The following DSG3 variants were observed in gnomAD, a reference collection of about 807,000 sequenced individuals.
The protein encoded by DSG3 is desmoglein 3.
Under a neutral mutation model 85.9 loss-of-function variants are expected in DSG3, and 63 were observed. The observed-to-expected ratio is 0.73, with a 90% confidence interval of 0.60 to 0.90. The LOEUF (loss-of-function observed/expected upper bound fraction) is 0.90, where lower values mean the gene tolerates loss of function less well. Among genes scored for constraint, DSG3 ranks in the 40% least tolerant of loss-of-function variants. DSG3 has a pLI of 0.00. For missense variants in DSG3, 1,220 were observed against 1,219.9 expected, an observed-to-expected ratio of 1.00 and a Z score of 0.00; for synonymous variants, 447 against 441.9, an observed-to-expected ratio of 1.01 and a Z score of -0.14.
chr18:31,450,333 C>G (rs1220937535), intron 1 of DSG3, among the ~76,000 whole-genome samples: 1 of 152,136 alleles, frequency 6.6e-6, no homozygotes, highest in African/African-American at 2.4e-5. Flanking sequence ...ATGGACACAC[C>G]AGTATGACTA....
Position 31,447,775 on chromosome 18 carries a change from G to A in DSG3, c.-103G>A, listed in dbSNP as rs1220906307. ...CATCTGTAGACTCCTTCGGAAAGCA[G>A]CAGAGACGCTGCAGAGGGCTTTTCT... On this transcript the variant is annotated 5_prime_UTR_variant, in exon 1 of 16. Transcript: ENST00000257189. The A allele has an allele frequency of 5.4e-6, 5 of 932,438 alleles. No homozygotes were observed. The highest frequency in any genetic ancestry group is 8.0e-6 in the Non-Finnish European group (5 of 627,634). 57.8% of individuals were successfully genotyped at this position (932,438 alleles called of 1,614,324 possible). A position where few individuals can be genotyped will look rare whatever the true frequency, so the allele number is the denominator to read the frequency against.
At position 31,469,161 on chromosome 18, in the gene DSG3, ACAGT is replaced by A; in HGVS notation, c.1713_1716del (p.Ser571ArgfsTer11). The A allele has an allele frequency of 6.2e-7, 1 of 1,614,168 alleles. No homozygotes were observed. Among genetic ancestry groups the A allele is most frequent in the East Asian group, 2.2e-5 (1 of 44,866 alleles). ...TACCACATCTCCCTGGTACTTACAG[ACAGT>A]CAGAACAATCGGTGTGAGATGCCAC... On this transcript the variant is annotated frameshift_variant, in exon 12 of 16. Coordinates refer to ENST00000257189, the MANE Select transcript of DSG3 (RefSeq NM_001944.3). LOFTEE classifies it high-confidence loss of function.
intron 12 of DSG3, 120 bp downstream of exon 12, chr18:31,469,469 G>GCTA (rs1351933072): frequency 7.1e-7 from 1 of 1,403,256 alleles, no homozygotes; most frequent in Non-Finnish European, 9.5e-7. Flanking sequence ...TATAGGTAAA[G>GCTA]CTAGGGGAAA....
At position 31,461,228 on chromosome 18, in the gene DSG3, A is replaced by G; in HGVS notation, c.815A>G (p.Tyr272Cys). The G allele has an allele frequency of 1.2e-6, 2 of 1,611,650 alleles. No homozygotes were observed. The highest frequency in any genetic ancestry group is 1.7e-6 in the Non-Finnish European group (2 of 1,178,838). The change falls in exon 8 of 16, where the codon TAT becomes TGT. Residue 272 changes from tyrosine (Y) to cysteine (C), a missense_variant and splice_region_variant. Coordinates refer to ENST00000257189, the MANE Select transcript of DSG3 (RefSeq NM_001944.3). ...TAATTCTGCTTCTCGCCTTTTCAGT[A>G]TTCAGCACGTATTGAAGAAAATATT... ...DNFPMFRDSQ[Y>C]SARIEENILS... is the part of the protein sequence containing the mutation.
chr18:31,460,032 G>C, intron 6 of DSG3, 21 bp downstream of exon 6: 2 of 1,592,876 alleles, frequency 1.3e-6, no homozygotes, highest in Non-Finnish European at 1.7e-6. Context: ...GCACTTGGGG[G>C]AACATTCAAG....
In DSG3 at chr18:31,475,622, T is replaced by C. The variant is rs1437003054; in HGVS notation, c.2386-24T>C. On this transcript the variant is annotated intron_variant, in intron 15 of 15. Coordinates refer to ENST00000257189, the MANE Select transcript of DSG3 (RefSeq NM_001944.3). ...ACTGACTCTTTCTTAAAATTCATTT[T>C]TTCCCACTTTTTCTCTGTCTTAGAA... 6 of 1,597,900 alleles carry C rather than the reference T, an allele frequency of 3.8e-6. No homozygotes were observed. In the Admixed American group the frequency reaches 7.0e-5, roughly 19 times the overall value.
chr18:31,465,246 T>C, intron 9 of DSG3, 72 bp from the exon 10 acceptor site: 3 of 1,087,136 alleles, frequency 2.8e-6, no homozygotes, highest in Non-Finnish European at 3.6e-6. Flanking sequence ...AAATATAAAA[T>C]GAGTCATTTT....
At chr18:31,456,579 A>G in intron 2 of DSG3, 104 bp downstream of exon 2, 1 of 555,320 alleles carries the variant, frequency 1.8e-6, no homozygotes, top group Admixed American at 4.1e-5. Flanking sequence ...AAATTATTCA[A>G]TAATTTAATT....
chr18:31,464,152 TG>T lies in DSG3; in HGVS notation c.1042del (p.Ala348LeufsTer27). ...AACTACAAAGCGTGAAACTTAGTAT[TG>T]CTGTCAAAAACAAAGCTGAATTTCA... ...EQLQSVKLSI[A>X]VKNKAEFHQS... On this transcript the variant is annotated frameshift_variant, in exon 9 of 16. Transcript: ENST00000257189. LOFTEE classifies it high-confidence loss of function. 6.2e-7 allele frequency: 1 copy of T among 1,614,124 alleles called. No individual in the cohort carries two copies.
chr18:31,457,585 C>CTTCTTTCTTTCTTTCT (rs11369657), intron 3 of DSG3, among the ~76,000 whole-genome samples: 1 of 61,182 alleles, frequency 1.6e-5, no homozygotes, highest in Non-Finnish European at 3.3e-5. Context: ...TTCTTTCTTT[C>CTTCTTTCTTTCTTTCT]TTCTTTCTTT....
intron 6 of DSG3, 70 bp from the exon 7 acceptor site, chr18:31,460,763 G>A (rs563584163): frequency 7.4e-7 from 1 of 1,354,296 alleles, no homozygotes; most frequent in African/African-American, 1.5e-5. Context: ...CTTACCCATA[G>A]GAATCAAGTA....
At chr18:31,457,566 TTTCTTTCTTTCTTTCTTTC>T (rs1488624881) in intron 3 of DSG3, among the ~76,000 whole-genome samples, 20 of 104,064 alleles carry the variant, frequency 1.9e-4, no homozygotes, top group African/African-American at 9.1e-4. Flanking sequence ...TCTTTCTTTC[TTTCTTTCTTTCTTTCTTTC>T]TTCTTTCTTT....
In DSG3 at chr18:31,476,883, C is replaced by G. The variant is rs1395874088; in HGVS notation, c.*623C>G. The G allele has an allele frequency of 6.7e-6, 1 of 148,392 alleles. No individual in the cohort carries two copies. The highest frequency in any genetic ancestry group is 2.5e-5 in the African/African-American group (1 of 40,112). 9.2% of individuals were successfully genotyped at this position (148,392 alleles called of 1,614,324 possible). A position where few individuals can be genotyped will look rare whatever the true frequency, so the allele number is the denominator to read the frequency against. On this transcript the variant is annotated 3_prime_UTR_variant, in exon 16 of 16. Transcript: ENST00000257189. ...CTGAGGCAGGAGAATGGCATGAACC[C>G]GGGAAGCGGAGCTTGCAGTGAGCCG... is the stretch of plus-strand genomic sequence containing the variant.
At chr18:31,469,387 G>C (rs760394066) in intron 12 of DSG3, 38 bp downstream of exon 12, 2 of 1,606,644 alleles carry the variant, frequency 1.2e-6, no homozygotes, top group South Asian at 2.2e-5. Context: ...TGGACCAGGT[G>C]TCCTCATTTG....
intron 1 of DSG3, among the ~76,000 whole-genome samples, chr18:31,454,874 T>C (rs1424033868): frequency 6.6e-6 from 1 of 151,988 alleles, no homozygotes; most frequent in Non-Finnish European, 1.5e-5. Context: ...TGCCCATGCC[T>C]GTAATCCCTG....
chr18:31,475,780 C>T lies in DSG3; in HGVS notation c.2520C>T (p.Asp840=), dbSNP rs2072882807. 1 of 1,613,996 alleles carries T rather than the reference C, an allele frequency of 6.2e-7. No homozygotes were observed. The highest frequency in any genetic ancestry group is 1.3e-5 in the African/African-American group (1 of 74,872). The change falls in exon 16 of 16, where the codon GAC becomes GAT. Residue 840 remains aspartate (D), a synonymous_variant. Coordinates refer to ENST00000257189, the MANE Select transcript of DSG3 (RefSeq NM_001944.3). ...GTTGTTGCAGTTTTATTGCTGATGA[C>T]CTGGATGACAGCTTCTTGGACTCAC... ...SVGCCSFIAD[D]LDDSFLDSLG...
In DSG3 at chr18:31,476,172, G is replaced by A; in HGVS notation, c.2912G>A (p.Ser971Asn). The change falls in exon 16 of 16, where the codon AGT becomes AAT. Residue 971 changes from serine to asparagine, a missense_variant. Transcript: ENST00000257189. ...VTERVICPIS[S>N]VPGNLAGPTQ... Reference sequence around the variant, plus strand: ...GAAAGGGTGATCTGTCCCATTTCCAGTGTTCCTGGCAACCTAGCTGGCCCA... The same window carrying A: ...GAAAGGGTGATCTGTCCCATTTCCAATGTTCCTGGCAACCTAGCTGGCCCA... 2 of 1,614,164 alleles carry A rather than the reference G, an allele frequency of 1.2e-6. No homozygotes were observed. Among genetic ancestry groups the A allele is most frequent in the Non-Finnish European group, 1.7e-6 (2 of 1,180,032 alleles).
At chr18:31,466,276 C>T (rs1344561360) in intron 10 of DSG3, among the ~76,000 whole-genome samples, 1 of 152,160 alleles carries the variant, frequency 6.6e-6, no homozygotes, top group African/African-American at 2.4e-5. Flanking sequence ...CATCATCTTA[C>T]TGGTCTTGGG....
Position 31,456,463 on chromosome 18 carries a change from A to G in DSG3, c.72A>G (p.Glu24=). 1 of 1,344,838 alleles carries G rather than the reference A, an allele frequency of 7.4e-7. No individual in the cohort carries two copies. The allele number at this position is 1,344,838 out of a possible 1,614,324, so 83.3% of individuals were successfully genotyped here. A position where few individuals can be genotyped will look rare whatever the true frequency, so the allele number is the denominator to read the frequency against. The part of the protein sequence containing the change: ...IFVVVILVHG[E]LRIETKGQYD... ...AGGTGGTCATATTGGTTCATGGAGAATTGCGAATAGAGGTAAAGTATGAAA... is the reference window on the plus strand; with the variant it reads ...AGGTGGTCATATTGGTTCATGGAGAGTTGCGAATAGAGGTAAAGTATGAAA... Residue 24 remains glutamate (E), a synonymous_variant, in exon 2 of 16, where the codon GAA becomes GAG. Transcript: ENST00000257189.
Sources: allele counts gnomAD v4.1 joint callset (sites outside exome capture counted in the v4.1 genomes callset), GRCh38; gene constraint gnomAD v4.1.1; transcripts MANE v1.5; gene names NCBI Gene and HGNC (gene_info 2026-07-23, HGNC 2026-07-21).